TCEA3: variants seen among roughly 807,000 people sequenced by gnomAD.
TCEA3 encodes transcription elongation factor A protein 3.
In TCEA3, 36 loss-of-function variants were observed where a neutral mutation model predicts 44.0. The observed-to-expected ratio is 0.82, with a 90% confidence interval of 0.63 to 1.08. The LOEUF (loss-of-function observed/expected upper bound fraction) is 1.08, where lower values mean the gene tolerates loss of function less well. Among genes scored for constraint, TCEA3 ranks in the 50% least tolerant of loss-of-function variants. The pLI is 0.00. For synonymous variants in TCEA3, 162 were observed against 159.7 expected (o/e 1.01, Z -0.11); for missense variants, 392 against 441.2 (o/e 0.89, Z 1.00).
In TCEA3 at chr1:23,414,330, T is replaced by A. The variant is rs371014070; in HGVS notation, c.380+2919A>T. On this transcript the variant is annotated intron_variant, in intron 4 of 10. Coordinates refer to ENST00000450454, the MANE Select transcript of TCEA3 (RefSeq NM_003196.3). Reference sequence around the variant, plus strand: ...TGGTCTCGAACTCCTGACCTCATGATCTGCCCGCCTCAGCCTCCCAAAGTG... The same window carrying A: ...TGGTCTCGAACTCCTGACCTCATGAACTGCCCGCCTCAGCCTCCCAAAGTG... Among the ~76,000 whole-genome samples, 8 of 152,134 alleles carry A rather than the reference T, an allele frequency of 5.3e-5. No homozygotes were observed. The East Asian group carries it at 5.8e-4, about 11-fold the overall frequency.
Position 23,415,014 on chromosome 1 carries a change from C to CT in TCEA3, c.380+2234dup, listed in dbSNP as rs59946326. On this transcript the variant is annotated intron_variant, in intron 4 of 10. Transcript: ENST00000450454. ...CTTTAAAAGAAATCCCTTTACTGTT[C>CT]TTTTTTTTTTTTTTTTTTTTTTTTT... Among the ~76,000 whole-genome samples, 211 of 43,114 alleles carry CT rather than the reference C, an allele frequency of 4.9e-3. 8 individuals carry two copies. Among genetic ancestry groups the CT allele is most frequent in the African/African-American group, 0.015 (182 of 11,964 alleles). The allele number at this position is 43,114 out of a possible 152,430, so 28.3% of individuals were successfully genotyped here.
At chr1:23,413,413 C>T (rs1380623865) in intron 4 of TCEA3, among the ~76,000 whole-genome samples, 1 of 151,818 alleles carries the variant, frequency 6.6e-6, no homozygotes, top group Non-Finnish European at 1.5e-5. Flanking sequence ...CAAGCATGAG[C>T]CACTTTGCCC....
rs530686687 is a variant in TCEA3 at position 23,408,022 on chromosome 1, C to T, written c.443+642G>A. On this transcript the variant is annotated intron_variant, in intron 5 of 10. Coordinates refer to ENST00000450454, the MANE Select transcript of TCEA3 (RefSeq NM_003196.3). ...TGTTGCCCAGGTTGGATTGCAGTGG[C>T]GCGATCTCGGCTCACTGCAACCTCT... Among the ~76,000 whole-genome samples, 46 of 152,036 alleles carry T rather than the reference C, an allele frequency of 3.0e-4. No homozygotes were observed. In the East Asian group the frequency reaches 5.2e-3, roughly 17 times the overall value.
intron 1 of TCEA3, among the ~76,000 whole-genome samples, chr1:23,420,815 G>A (rs1258818670): frequency 6.6e-6 from 1 of 152,162 alleles, no homozygotes; most frequent in East Asian, 1.9e-4. Flanking sequence ...GAAAATCTGT[G>A]AGCTGCCAGG....
At chr1:23,420,715 C>T (rs1353860024) in intron 1 of TCEA3, among the ~76,000 whole-genome samples, 1 of 152,174 alleles carries the variant, frequency 6.6e-6, no homozygotes, top group Non-Finnish European at 1.5e-5. Context: ...GAACTTAGGG[C>T]TCAGCAGAGA....
intron 7 of TCEA3, among the ~76,000 whole-genome samples, chr1:23,396,024 C>A (rs575497480): frequency 1.3e-5 from 2 of 152,248 alleles, no homozygotes; most frequent in South Asian, 4.1e-4. Context: ...CTTGAATTAA[C>A]AGGAAATGAT....
At chr1:23,404,238 T>C in intron 5 of TCEA3, 1 of 700,024 alleles carries the variant, frequency 1.4e-6, no homozygotes. Flanking sequence ...GTCAACATGG[T>C]ATCCTCCGTG....
At chr1:23,401,938 C>T (rs1639408729) in intron 5 of TCEA3, among the ~76,000 whole-genome samples, 7 of 152,180 alleles carry the variant, frequency 4.6e-5, no homozygotes, top group Admixed American at 3.9e-4. Flanking sequence ...TTGAAACCAT[C>T]CCCTACAAAC....
chr1:23,401,028 T>G (rs1030412375), intron 5 of TCEA3, among the ~76,000 whole-genome samples: 20 of 152,186 alleles, frequency 1.3e-4, no homozygotes, highest in African/African-American at 4.8e-4. Context: ...TGAGGCTAAC[T>G]GAGTAGCCCA....
At chr1:23,390,243 C>T (rs1318610289) in intron 8 of TCEA3, among the ~76,000 whole-genome samples, 1 of 152,124 alleles carries the variant, frequency 6.6e-6, no homozygotes, top group African/African-American at 2.4e-5. Flanking sequence ...CCGAGGCGGG[C>T]AGATCACCTG....
At position 23,381,215 on chromosome 1, in the gene TCEA3, C is replaced by A. The variant is rs1570208915; in HGVS notation, c.*251G>T. 1.9e-6 allele frequency: 1 copy of A among 532,782 alleles called. No individual in the cohort carries two copies. The allele number at this position is 532,782 out of a possible 1,614,324, so 33.0% of individuals were successfully genotyped here. A position where few individuals can be genotyped will look rare whatever the true frequency, so the allele number is the denominator to read the frequency against. ...CAGCCATAAACCACCGTGCCCAGCC[C>A]TCTGCAGTTTCTAAAAGAGGTTCAT... is the stretch of plus-strand genomic sequence containing the variant. On this transcript the variant is annotated 3_prime_UTR_variant, in exon 11 of 11. Transcript: ENST00000450454.
intron 10 of TCEA3, among the ~76,000 whole-genome samples, chr1:23,382,605 A>G (rs1003705117): frequency 2.0e-5 from 3 of 152,202 alleles, no homozygotes; most frequent in African/African-American, 7.2e-5. Context: ...TGCCGCCTGG[A>G]GGAAGGGACA....
At chr1:23,412,950 C>T (rs1350074342) in intron 4 of TCEA3, among the ~76,000 whole-genome samples, 2 of 152,168 alleles carry the variant, frequency 1.3e-5, no homozygotes, top group African/African-American at 2.4e-5. Flanking sequence ...GGACCCCCGA[C>T]AACTGGCTTC....
intron 4 of TCEA3, among the ~76,000 whole-genome samples, chr1:23,416,455 A>G (rs1480035586): frequency 6.6e-6 from 1 of 152,138 alleles, no homozygotes; most frequent in Non-Finnish European, 1.5e-5. Flanking sequence ...TAATACAGAA[A>G]GTAGAGATCC....
chr1:23,405,023 G>A (rs1414911831), intron 5 of TCEA3, among the ~76,000 whole-genome samples: 1 of 152,016 alleles, frequency 6.6e-6, no homozygotes, highest in Non-Finnish European at 1.5e-5. Flanking sequence ...TAAAAAATTG[G>A]AAGACATGGC....
At chr1:23,402,288 T>A (rs773034032) in intron 5 of TCEA3, among the ~76,000 whole-genome samples, 6 of 152,188 alleles carry the variant, frequency 3.9e-5, no homozygotes, top group Non-Finnish European at 7.4e-5. Flanking sequence ...TGTAGTGAGC[T>A]GAGATCATGC....
At chr1:23,386,922 G>T (rs763813614) in intron 9 of TCEA3, among the ~76,000 whole-genome samples, 1 of 152,102 alleles carries the variant, frequency 6.6e-6, no homozygotes, top group African/African-American at 2.4e-5. Flanking sequence ...GGGTTTCACC[G>T]TGTTTGCCAG....
At chr1:23,423,835 A>C (rs2148589941) in intron 1 of TCEA3, 1 of 456,028 alleles carries the variant, frequency 2.2e-6, no homozygotes, top group South Asian at 1.5e-5. Context: ...ACCCTCCGGT[A>C]GGGCTGTCAG....
chr1:23,401,036 C>T (rs576014960), intron 5 of TCEA3, among the ~76,000 whole-genome samples: 92 of 152,086 alleles, frequency 6.0e-4, no homozygotes, highest in Non-Finnish European at 7.5e-4. Flanking sequence ...ACTGAGTAGC[C>T]CAGGCTTCTC....
Sources: allele counts gnomAD v4.1 joint callset (sites outside exome capture counted in the v4.1 genomes callset), GRCh38; gene constraint gnomAD v4.1.1; transcripts MANE v1.5; gene names NCBI Gene and HGNC (gene_info 2026-07-23, HGNC 2026-07-21).